Variants in GSPT1 observed in about 807,000 individuals in gnomAD.
GSPT1 encodes the protein G1 to S phase transition 1, also known as eukaryotic peptide chain release factor GTP-binding subunit ERF3A.
GSPT1 carries 20 observed loss-of-function variants against 72.5 expected under a neutral mutation model. The observed-to-expected ratio is 0.28, with a 90% confidence interval of 0.19 to 0.40. GSPT1 has a LOEUF of 0.40. Among genes scored for constraint, GSPT1 ranks in the 10% least tolerant of loss-of-function variants. GSPT1 has a pLI of 1.00. For synonymous variants in GSPT1, 334 were observed against 293.5 expected (o/e 1.14, Z -1.41); for missense variants, 580 against 811.9 (o/e 0.71, Z 3.47).
rs200991035 is a variant in GSPT1 at position 11,874,454 on chromosome 16, C to CTTTT, written c.1862-1287_1862-1284dup. On this transcript the variant is annotated intron_variant, in intron 14 of 14. Transcript: ENST00000434724. Reference sequence around the variant, plus strand: ...GTGGAAAACCTAAAAGCCAAGTTAGCTTTTTTTTTTTTTTTTTTTTTTTTT... The same window carrying CTTTT: ...GTGGAAAACCTAAAAGCCAAGTTAGCTTTTTTTTTTTTTTTTTTTTTTTTTTTTT... 3.3e-3 allele frequency among the ~76,000 whole-genome samples: 316 copies of CTTTT among 95,832 alleles called. 22 individuals are homozygous for CTTTT. Among genetic ancestry groups the CTTTT allele is most frequent in the East Asian group, 9.0e-3 (36 of 4,022 alleles). The allele number at this position is 95,832 out of a possible 152,430, so 62.9% of individuals were successfully genotyped here. A position where few individuals can be genotyped will look rare whatever the true frequency, so the allele number is the denominator to read the frequency against.
At chr16:11,900,330 CAA>C (rs34268463) in intron 1 of GSPT1, among the ~76,000 whole-genome samples, 3 of 141,920 alleles carry the variant, frequency 2.1e-5, no homozygotes, top group African/African-American at 7.9e-5. Context: ...AACTCCGTCT[CAA>C]AAAAAAAAAA....
chr16:11,915,139 C>T, intron 1 of GSPT1: 1 of 1,063,712 alleles, frequency 9.4e-7, no homozygotes. Context: ...GCACTCGGGT[C>T]CGGGTCTTTG....
chr16:11,883,118 C>A (rs1045183104), intron 10 of GSPT1, 23 bp from the exon 11 acceptor site: 1 of 1,486,842 alleles, frequency 6.7e-7, no homozygotes, highest in Non-Finnish European at 9.4e-7. Flanking sequence ...AAAATAAAAT[C>A]CAGTTTCAGA....
chr16:11,897,976 CAA>C lies in GSPT1; in HGVS notation c.394+16_394+17del, dbSNP rs2054361038. On this transcript the variant is annotated intron_variant, in intron 2 of 14. Transcript: ENST00000434724. ...CCTAATGTTTTCTCAAGTAGACTTT[CAA>C]AGAGTACATCATTACCTTCACACAA... 1 of 1,534,454 alleles carries C rather than the reference CAA, an allele frequency of 6.5e-7. No individual in the cohort carries two copies. The highest frequency in any genetic ancestry group is 1.4e-5 in the African/African-American group (1 of 72,870).
At chr16:11,910,181 GA>G (rs535130571) in intron 1 of GSPT1, among the ~76,000 whole-genome samples, 1 of 150,982 alleles carries the variant, frequency 6.6e-6, no homozygotes, top group African/African-American at 2.4e-5. Flanking sequence ...CAGGAGGCCA[GA>G]AAAAAAAATA....
At chr16:11,887,197 G>A (rs1487384595) in intron 7 of GSPT1, among the ~76,000 whole-genome samples, 1 of 151,770 alleles carries the variant, frequency 6.6e-6, no homozygotes, top group Admixed American at 6.6e-5. Flanking sequence ...TAACTACAAA[G>A]GAAAAAAAAT....
intron 3 of GSPT1, 91 bp from the exon 4 acceptor site, chr16:11,896,876 TG>T (rs2054346918): frequency 1.2e-6 from 1 of 846,906 alleles, no homozygotes; most frequent in Admixed American, 2.4e-5. Flanking sequence ...AATGGAAGTT[TG>T]CATATGTAGT....
chr16:11,911,080 G>C (rs186583789), intron 1 of GSPT1, among the ~76,000 whole-genome samples: 1 of 152,266 alleles, frequency 6.6e-6, no homozygotes, highest in East Asian at 1.9e-4. Flanking sequence ...TCCCACTGAA[G>C]CCTAAAAACA....
intron 4 of GSPT1, chr16:11,895,190 G>C: frequency 2.3e-6 from 1 of 439,370 alleles, no homozygotes; most frequent in Non-Finnish European, 4.2e-6. Context: ...CAGCACTTTG[G>C]GAGGCCAGCG....
At chr16:11,893,991 C>CA (rs2054302265) in intron 5 of GSPT1, among the ~76,000 whole-genome samples, 1 of 150,892 alleles carries the variant, frequency 6.6e-6, no homozygotes, top group Non-Finnish European at 1.5e-5. Context: ...ACCACCTCTA[C>CA]AAAAAAACAC....
chr16:11,908,017 A>T (rs1242096961), intron 1 of GSPT1, among the ~76,000 whole-genome samples: 1 of 150,856 alleles, frequency 6.6e-6, no homozygotes, highest in Non-Finnish European at 1.5e-5. Flanking sequence ...TGAAGTGGGC[A>T]GATCACTTGA....
chr16:11,898,995 A>T (rs1301819143), intron 1 of GSPT1, among the ~76,000 whole-genome samples: 2 of 152,202 alleles, frequency 1.3e-5, no homozygotes, highest in Non-Finnish European at 2.9e-5. Context: ...GAAGAGATGT[A>T]GGAGAAATAC....
intron 5 of GSPT1, among the ~76,000 whole-genome samples, 158 bp from the exon 6 acceptor site, chr16:11,891,297 A>G (rs2054255840): frequency 6.8e-6 from 1 of 148,050 alleles, no homozygotes; most frequent in South Asian, 2.1e-4. Context: ...TATATAACAT[A>G]TATAACATAT....
intron 1 of GSPT1, among the ~76,000 whole-genome samples, chr16:11,906,713 G>A (rs1014157390): frequency 1.3e-5 from 2 of 152,154 alleles, no homozygotes; most frequent in Middle Eastern, 3.2e-3. Context: ...TGCCAGGGTG[G>A]TAACGATAAA....
In GSPT1 at chr16:11,897,885, G is replaced by C; in HGVS notation, c.395-4C>G. On this transcript the variant is annotated splice_polypyrimidine_tract_variant and splice_region_variant and intron_variant, in intron 2 of 14. Transcript: ENST00000434724. Reference sequence around the variant, plus strand: ...ATGCTAACAGCTGAATTTGAACCTAGACAAGAGATTGAAATATAATATATA... The same window carrying C: ...ATGCTAACAGCTGAATTTGAACCTACACAAGAGATTGAAATATAATATATA... 6.5e-7 allele frequency: 1 copy of C among 1,535,684 alleles called. No individual in the cohort carries two copies. The highest frequency in any genetic ancestry group is 8.9e-7 in the Non-Finnish European group (1 of 1,127,204).
chr16:11,915,954 A>T lies in GSPT1; in HGVS notation c.-234T>A, dbSNP rs375148172. On this transcript the variant is annotated 5_prime_UTR_variant, in exon 1 of 15. Transcript: ENST00000434724. ...CTCAACCCTCCTCCTCGTGTGTGTG[A>T]GCGGATCTCCTCCCACCCAACCACC... 2 of 736,750 alleles carry T rather than the reference A, an allele frequency of 2.7e-6. No individual in the cohort carries two copies. Among genetic ancestry groups the T allele is most frequent in the Non-Finnish European group, 5.0e-6 (2 of 403,730 alleles). The allele number at this position is 736,750 out of a possible 1,614,324, so 45.6% of individuals were successfully genotyped here.
chr16:11,902,618 C>T (rs901224630), intron 1 of GSPT1, among the ~76,000 whole-genome samples: 8 of 150,510 alleles, frequency 5.3e-5, no homozygotes, highest in Non-Finnish European at 8.9e-5. Context: ...GATGGAGTCT[C>T]GCTCTGTCGC....
upstream of GSPT1, chr16:11,916,231 A>T (rs1210738098): frequency 2.6e-5 from 9 of 348,584 alleles, no homozygotes; most frequent in Non-Finnish European, 4.5e-5. Flanking sequence ...CAACGCGAGG[A>T]GGCGGAGGTC....
chr16:11,884,616 T>C (rs1354682179), intron 10 of GSPT1, among the ~76,000 whole-genome samples: 1 of 151,754 alleles, frequency 6.6e-6, no homozygotes, highest in Non-Finnish European at 1.5e-5. Context: ...AAAAAACAAT[T>C]AGCTGGATGC....
Sources: allele counts gnomAD v4.1 joint callset (sites outside exome capture counted in the v4.1 genomes callset), GRCh38; gene constraint gnomAD v4.1.1; transcripts MANE v1.5; gene names NCBI Gene and HGNC (gene_info 2026-07-23, HGNC 2026-07-21).